UBAC2: variants seen among roughly 807,000 people sequenced by gnomAD.
UBAC2 encodes the protein UBA domain containing 2.
Under a neutral mutation model 44.0 loss-of-function variants are expected in UBAC2, and 26 were observed. The observed-to-expected ratio is 0.59, with a 90% CI of 0.43 to 0.82. UBAC2 has a LOEUF of 0.82. Among genes scored for constraint, UBAC2 ranks in the 40% least tolerant of loss-of-function variants. The probability of loss-of-function intolerance (pLI) is 0.00; values close to 1 mark genes in which losing one functional copy is unlikely to be tolerated. For missense variants in UBAC2, 329 were observed against 419.4 expected, an observed-to-expected ratio of 0.78 and a Z score of 1.88; for synonymous variants, 155 against 154.3, an observed-to-expected ratio of 1.00 and a Z score of -0.04.
chr13:99,311,986 CTG>C (rs1156909068), intron 4 of UBAC2, among the ~76,000 whole-genome samples: 2 of 152,254 alleles, frequency 1.3e-5, no homozygotes, highest in African/African-American at 2.4e-5. Context: ...TCTCACATCT[CTG>C]TGTCCCCAGT....
intron 6 of UBAC2, among the ~76,000 whole-genome samples, chr13:99,329,236 C>T (rs926436036): frequency 1.3e-5 from 2 of 152,172 alleles, no homozygotes; most frequent in Non-Finnish European, 2.9e-5. Flanking sequence ...AGTCCTCCCA[C>T]CTTGTTTTTC....
intron 1 of UBAC2, among the ~76,000 whole-genome samples, chr13:99,235,892 C>T (rs2043227401): frequency 6.6e-6 from 1 of 151,968 alleles, no homozygotes; most frequent in African/African-American, 2.4e-5. Flanking sequence ...CACTTGAGCC[C>T]AGGAGTTCAA....
intron 7 of UBAC2, among the ~76,000 whole-genome samples, chr13:99,346,809 T>C (rs2044990853): frequency 6.6e-6 from 1 of 152,228 alleles, no homozygotes; most frequent in Non-Finnish European, 1.5e-5. Context: ...TTACTGCCCT[T>C]TCTCCACCAG....
In UBAC2 at chr13:99,295,007, C is replaced by T. The variant is rs2230341; in HGVS notation, c.390-19090C>T. On this transcript the variant is annotated intron_variant, in intron 4 of 8. Transcript: ENST00000403766. The surrounding 1 kb of genome is among the most constrained non-coding windows in gnomAD (Gnocchi z 4.1). ...ATTATTTTGCTTTATAAGGGAAGTCCTGCAAAGTTTGTCATACAGTTTACG... is the reference window on the plus strand; with the variant it reads ...ATTATTTTGCTTTATAAGGGAAGTCTTGCAAAGTTTGTCATACAGTTTACG... The T allele has an allele frequency of 0.13, 201,468 of 1,538,672 alleles. 15,660 individuals carry two copies. The highest frequency in any genetic ancestry group is 0.35 in the East Asian group (15,278 of 44,172).
intron 4 of UBAC2, among the ~76,000 whole-genome samples, chr13:99,300,929 A>C (rs2044248529): frequency 6.6e-6 from 1 of 152,208 alleles, no homozygotes; most frequent in Non-Finnish European, 1.5e-5. Context: ...AGTATATTTT[A>C]AGTATTTTAC....
intron 6 of UBAC2, among the ~76,000 whole-genome samples, chr13:99,327,216 T>TA (rs1377259150): frequency 6.6e-6 from 1 of 152,190 alleles, no homozygotes; most frequent in Non-Finnish European, 1.5e-5. Context: ...AGAGAAAACT[T>TA]AAAGGATAAT....
intron 1 of UBAC2, among the ~76,000 whole-genome samples, chr13:99,230,070 G>A (rs563683906): frequency 6.6e-6 from 1 of 152,144 alleles, no homozygotes; most frequent in Non-Finnish European, 1.5e-5. Context: ...TCCTTAATAT[G>A]TAGATTTTTG....
chr13:99,232,777 A>G (rs1385190152), intron 1 of UBAC2, among the ~76,000 whole-genome samples: 4 of 151,810 alleles, frequency 2.6e-5, no homozygotes, highest in East Asian at 2.0e-4. Flanking sequence ...AAAAACAAAA[A>G]CAACGAAAAA....
At chr13:99,254,706 T>A (rs1418582995) in intron 4 of UBAC2, 5 of 579,456 alleles carry the variant, frequency 8.6e-6, no homozygotes, top group Non-Finnish European at 1.4e-5. Flanking sequence ...AATCAGATGC[T>A]TTTCTCTGAA....
intron 4 of UBAC2, among the ~76,000 whole-genome samples, chr13:99,310,074 C>T (rs1255825636): frequency 6.6e-6 from 1 of 152,226 alleles, no homozygotes; most frequent in East Asian, 1.9e-4. Flanking sequence ...CGCCTGTAAT[C>T]TCAGCAATTC....
At chr13:99,238,396 A>T (rs372531844) in intron 1 of UBAC2, 31 bp from the exon 2 acceptor site, 43 of 1,606,312 alleles carry the variant, frequency 2.7e-5, no homozygotes, top group Admixed American at 1.9e-4. Flanking sequence ...AGGAACAATC[A>T]TTCTGAAAGT....
intron 7 of UBAC2, among the ~76,000 whole-genome samples, chr13:99,357,038 A>C (rs566178047): frequency 1.3e-5 from 2 of 152,376 alleles, no homozygotes; most frequent in Admixed American, 1.3e-4. Context: ...CATGCACCAC[A>C]TAACAATATG....
In UBAC2 at chr13:99,232,399, G is replaced by GATATATAT. The variant is rs1555321112; in HGVS notation, c.32-6023_32-6022insTATATATA. ...AGACCCTGTCCATCCTTAGTTGAGA[G>GATATATAT]ATATAGATATATATATATATATTCA... On this transcript the variant is annotated intron_variant, in intron 1 of 8. Transcript: ENST00000403766. 1.3e-3 allele frequency among the ~76,000 whole-genome samples: 147 copies of GATATATAT among 109,878 alleles called. 7 individuals carry two copies. The highest frequency in any genetic ancestry group is 2.6e-3 in the East Asian group (9 of 3,400). 72.1% of individuals were successfully genotyped at this position (109,878 alleles called of 152,430 possible).
At chr13:99,338,031 CTTTTTTTCTTTTTTTCTTT>C (rs2044817053) in intron 6 of UBAC2, among the ~76,000 whole-genome samples, 1 of 41,768 alleles carries the variant, frequency 2.4e-5, no homozygotes, top group African/African-American at 7.6e-5. Context: ...AATCTCCTAA[CTTTTTTTCTTTTTTTCTTT>C]TTTTTTTTTT....
At chr13:99,262,740 A>AAAAAG (rs1436059757) in intron 4 of UBAC2, among the ~76,000 whole-genome samples, 14 of 141,554 alleles carry the variant, frequency 9.9e-5, no homozygotes, top group African/African-American at 3.8e-4. Flanking sequence ...AAAAAAAAAA[A>AAAAAG]GGACTTGTGG....
chr13:99,369,758 A>G (rs1164085718), intron 8 of UBAC2, among the ~76,000 whole-genome samples: 1 of 152,258 alleles, frequency 6.6e-6, no homozygotes, highest in Non-Finnish European at 1.5e-5. Context: ...TAACCAGGTT[A>G]TCAAAATTAA....
intron 8 of UBAC2, among the ~76,000 whole-genome samples, chr13:99,373,607 C>T (rs1315711607): frequency 6.6e-6 from 1 of 152,120 alleles, no homozygotes; most frequent in African/African-American, 2.4e-5. Flanking sequence ...TGGAAGTGTT[C>T]GGGTGCTGCT....
chr13:99,277,083 T>C (rs1477582368), intron 4 of UBAC2, among the ~76,000 whole-genome samples: 2 of 152,206 alleles, frequency 1.3e-5, no homozygotes, highest in Non-Finnish European at 2.9e-5. Flanking sequence ...AGTGTTGCTG[T>C]TTTCTAACTT....
chr13:99,347,659 A>G (rs1465206866), intron 7 of UBAC2, among the ~76,000 whole-genome samples: 1 of 151,760 alleles, frequency 6.6e-6, no homozygotes, highest in Non-Finnish European at 1.5e-5. Flanking sequence ...TGATGGCTCT[A>G]TAGATCTCAC....
Sources: allele counts gnomAD v4.1 joint callset (sites outside exome capture counted in the v4.1 genomes callset), GRCh38; gene constraint gnomAD v4.1.1; non-coding constraint Gnocchi (gnomAD v3.1); transcripts MANE v1.5; gene names NCBI Gene and HGNC (gene_info 2026-07-23, HGNC 2026-07-21).